The following UCKL1 variants were observed in gnomAD, a reference collection of about 807,000 sequenced individuals.
UCKL1 encodes uridine-cytidine kinase 1 like 1.
In UCKL1, 65 loss-of-function variants were observed where a neutral mutation model predicts 59.2. The ratio of observed to expected loss-of-function variants is 1.10; its 90% CI spans 0.90 to 1.35. The LOEUF (loss-of-function observed/expected upper bound fraction) is 1.35, where lower values mean the gene tolerates loss of function less well. Among genes scored for constraint, UCKL1 ranks in the 40% most tolerant of loss-of-function variants. The pLI is 0.00. For synonymous variants in UCKL1, 410 were observed against 323.1 expected (o/e 1.27, Z -2.88); for missense variants, 703 against 784.3 (o/e 0.90, Z 1.24).
chr20:63,941,277 C>T lies in UCKL1; in HGVS notation c.924-69G>A, dbSNP rs1403275538. The T allele has an allele frequency of 2.0e-5, 29 of 1,452,132 alleles. No homozygotes were observed. In the Admixed American group the frequency reaches 6.7e-4, roughly 34 times the overall value. 90.0% of individuals were successfully genotyped at this position (1,452,132 alleles called of 1,614,324 possible). A position where few individuals can be genotyped will look rare whatever the true frequency, so the allele number is the denominator to read the frequency against. On this transcript the variant is annotated intron_variant, in intron 8 of 14. Transcript: ENST00000354216. ...CCCAGAGCCCTCCCTCCCCACAGGA[C>T]GGCTGTGCGTCACTGTGAGGGGAAC...
chr20:63,939,868 A>G lies in UCKL1; in HGVS notation c.*108T>C, dbSNP rs2146328304. The G allele has an allele frequency of 2.1e-6, 2 of 956,284 alleles. No individual in the cohort carries two copies. Among genetic ancestry groups the G allele is most frequent in the South Asian group, 1.6e-5 (1 of 62,096 alleles). The allele number at this position is 956,284 out of a possible 1,614,324, so 59.2% of individuals were successfully genotyped here. On this transcript the variant is annotated 3_prime_UTR_variant, in exon 15 of 15. Coordinates refer to ENST00000354216, the MANE Select transcript of UCKL1 (RefSeq NM_017859.4). ...GCTTTATTTATTTTATAAAATGCAT[A>G]GAATAAATTATACTAGTAACATTTT...
rs745558896 is a variant in UCKL1 at position 63,956,379 on chromosome 20, C to T, written c.-7G>A. 2.0e-6 allele frequency: 3 copies of T among 1,485,070 alleles called. No individual in the cohort carries two copies. The highest frequency in any genetic ancestry group is 1.5e-5 in the African/African-American group (1 of 68,794). The allele number at this position is 1,485,070 out of a possible 1,614,324, so 92.0% of individuals were successfully genotyped here. On this transcript the variant is annotated 5_prime_UTR_variant, in exon 1 of 15. Coordinates refer to ENST00000354216, the MANE Select transcript of UCKL1 (RefSeq NM_017859.4). The stretch of plus-strand genomic sequence containing the variant: ...GGGCCGGGGGCGCAGCCATGGCGCT[C>T]GGAGGCCTCTTTGCGGGCCTGGCCG...
intron 1 of UCKL1, among the ~76,000 whole-genome samples, chr20:63,948,678 T>TGTGTGAGAGGGAGGGGC (rs2057045167): frequency 1.3e-3 from 3 of 2,342 alleles, no homozygotes; most frequent in African/African-American, 2.3e-3. Flanking sequence ...AGGGAGGGGG[T>TGTGTGAGAGGGAGGGGC]GTGTGTGAGA....
rs1569026355 is a variant in UCKL1 at position 63,941,110 on chromosome 20, C to G, written c.1022G>C (p.Arg341Thr). 8 of 1,599,336 alleles carry G rather than the reference C, an allele frequency of 5.0e-6. No individual in the cohort carries two copies. The highest frequency in any genetic ancestry group is 1.3e-5 in the African/African-American group (1 of 74,834). The change falls in exon 9 of 15, where the codon AGG becomes ACG. Residue 341 changes from arginine (R) to threonine (T), a missense_variant and splice_region_variant. Arg to Thr is a moderately conservative substitution (Grantham distance 71). Coordinates refer to ENST00000354216, the MANE Select transcript of UCKL1 (RefSeq NM_017859.4). ...GCCCCGTCCCCAGGTGGGCCCTCACCTGATGATGGTGTGCATGCCCCGTAC... is the reference window on the plus strand; with the variant it reads ...GCCCCGTCCCCAGGTGGGCCCTCACGTGATGATGGTGTGCATGCCCCGTAC... ...PQVRGMHTII[R>T]DKETSRDEFI...
chr20:63,941,358 G>T, intron 8 of UCKL1, 150 bp from the exon 9 acceptor site: 1 of 1,219,196 alleles, frequency 8.2e-7, no homozygotes, highest in Non-Finnish European at 1.1e-6. Context: ...GCCTGGGGCT[G>T]AGCTGGGGGG....
At position 63,940,447 on chromosome 20, in the gene UCKL1, G is replaced by A; in HGVS notation, c.1341C>T (p.Asp447=). ...CGGTGCAGTCCATGAGGATCACGTG[G>A]TCATCGCTGATGTCCTTGGGCAGCC... is the stretch of plus-strand genomic sequence containing the variant. ...YLRLPKDISD[D]HVILMDCTVS... Residue 447 remains aspartate, a synonymous_variant, in exon 13 of 15, where the codon GAC becomes GAT. Transcript: ENST00000354216. The A allele has an allele frequency of 6.2e-7, 1 of 1,612,320 alleles. No homozygotes were observed. The highest frequency in any genetic ancestry group is 8.5e-7 in the Non-Finnish European group (1 of 1,179,806).
chr20:63,941,522 C>T (rs2054408149), intron 8 of UCKL1: 1 of 393,450 alleles, frequency 2.5e-6, no homozygotes, highest in Middle Eastern at 3.4e-4. Flanking sequence ...AGAAGTGGGC[C>T]GGGCACAGGG....
intron 1 of UCKL1, among the ~76,000 whole-genome samples, chr20:63,950,396 G>A (rs1242357241): frequency 2.6e-5 from 4 of 152,172 alleles, no homozygotes; most frequent in Non-Finnish European, 5.9e-5. Flanking sequence ...GCAACATGGT[G>A]AGACGGTCTC....
At chr20:63,948,851 G>A (rs1191970957) in intron 1 of UCKL1, among the ~76,000 whole-genome samples, 3 of 152,042 alleles carry the variant, frequency 2.0e-5, no homozygotes, top group Admixed American at 1.3e-4. Context: ...AAACCAAACC[G>A]TAGTCTGTCT....
At chr20:63,950,878 G>A in intron 1 of UCKL1, 1 of 1,447,836 alleles carries the variant, frequency 6.9e-7, no homozygotes, top group South Asian at 1.4e-5. Context: ...CCCAGGGGTG[G>A]ATGCGTGGGG....
chr20:63,950,876 T>C (rs991531446), intron 1 of UCKL1: 8 of 1,450,424 alleles, frequency 5.5e-6, no homozygotes, highest in Non-Finnish European at 7.3e-6. Flanking sequence ...GCCCCAGGGG[T>C]GGATGCGTGG....
rs777302660 is a variant in UCKL1, at chr20:63,940,831, C to A, written c.1142G>T (p.Gly381Val). 6.4e-7 allele frequency: 1 copy of A among 1,563,666 alleles called. No homozygotes were observed. The highest frequency in any genetic ancestry group is 8.7e-7 in the Non-Finnish European group (1 of 1,155,362). The change falls in exon 11 of 15, where the codon GGG (glycine) becomes GTG (valine). Residue 381 changes from glycine (G) to valine (V), a missense_variant. Coordinates refer to ENST00000354216, the MANE Select transcript of UCKL1 (RefSeq NM_017859.4). ...FQDCVVQTPQ[G>V]QDYAGKCYAG... is the part of the protein sequence containing the mutation. The stretch of plus-strand genomic sequence containing the variant: ...ATAGCACTTGCCCGCATAGTCCTGC[C>A]CCTGCGGGGTCTGTACGACGCAGTC...
At chr20:63,943,809 T>A in intron 7 of UCKL1, 140 bp from the exon 8 acceptor site, 1 of 1,224,098 alleles carries the variant, frequency 8.2e-7, no homozygotes, top group Middle Eastern at 2.4e-4. Context: ...GGCAAGCTTC[T>A]AATGCCTGTA....
rs756159286 is a variant in UCKL1, at chr20:63,956,401, G to C, written c.-29C>G. The C allele has an allele frequency of 7.2e-7, 1 of 1,379,768 alleles. No homozygotes were observed. The highest frequency in any genetic ancestry group is 1.5e-5 in the African/African-American group (1 of 66,480). The allele number at this position is 1,379,768 out of a possible 1,614,324, so 85.5% of individuals were successfully genotyped here. ...GCTCGGAGGCCTCTTTGCGGGCCTGGCCGGGCGGCGCGCATGGGCCGCCGG... is the reference window on the plus strand; with the variant it reads ...GCTCGGAGGCCTCTTTGCGGGCCTGCCCGGGCGGCGCGCATGGGCCGCCGG... On this transcript the variant is annotated 5_prime_UTR_variant, in exon 1 of 15. Coordinates refer to ENST00000354216, the MANE Select transcript of UCKL1 (RefSeq NM_017859.4).
At chr20:63,956,160 G>T in intron 1 of UCKL1, 100 bp downstream of exon 1, 1 of 1,145,032 alleles carries the variant, frequency 8.7e-7, no homozygotes. Flanking sequence ...CGGGAGTGGG[G>T]GACTTGGGCT....
chr20:63,941,139 C>G lies in UCKL1; in HGVS notation c.993G>C (p.Pro331=). 1 of 1,594,528 alleles carries G rather than the reference C, an allele frequency of 6.3e-7. No homozygotes were observed. Among genetic ancestry groups the G allele is most frequent in the African/African-American group, 1.3e-5 (1 of 74,820 alleles). The change falls in exon 9 of 15, where the codon CCG becomes CCC. Residue 331 remains proline (P), a synonymous_variant. Coordinates refer to ENST00000354216, the MANE Select transcript of UCKL1 (RefSeq NM_017859.4). The part of the protein sequence containing the change: ...PRTLSVLKST[P]QVRGMHTIIR... The stretch of plus-strand genomic sequence containing the variant: ...TGATGGTGTGCATGCCCCGTACCTG[C>G]GGCGTGCTCTTCAGGACGCTCAGCG...
At chr20:63,942,770 GT>G in intron 8 of UCKL1, 1 of 459,792 alleles carries the variant, frequency 2.2e-6, no homozygotes, top group Non-Finnish European at 4.6e-6. Flanking sequence ...GCGTTCAGGT[GT>G]TTTTCCAAGT....
Position 63,956,363 on chromosome 20 carries a change from G to A in UCKL1, c.10C>T (p.Pro4Ser), listed in dbSNP as rs781464720. 43 of 1,525,672 alleles carry A rather than the reference G, an allele frequency of 2.8e-5. No homozygotes were observed. In the South Asian group the frequency reaches 3.5e-4, roughly 13 times the overall value. The allele number at this position is 1,525,672 out of a possible 1,614,324, so 94.5% of individuals were successfully genotyped here. The change falls in exon 1 of 15, where the codon CCC becomes TCC. Residue 4 changes from proline to serine, a missense_variant. Transcript: ENST00000354216. ...GGATCAGCGTCCGCGCGGGCCGGGG[G>A]CGCAGCCATGGCGCTCGGAGGCCTC... MAAPPARADADPSP... is the reference protein window; with the variant it reads MAASPARADADPSP...
chr20:63,949,775 C>G (rs1197885634), intron 1 of UCKL1, among the ~76,000 whole-genome samples: 2 of 152,252 alleles, frequency 1.3e-5, no homozygotes, highest in African/African-American at 4.8e-5. Context: ...ATCTGACTTG[C>G]AAAGAGGCTC....
Sources: allele counts gnomAD v4.1 joint callset (sites outside exome capture counted in the v4.1 genomes callset), GRCh38; gene constraint gnomAD v4.1.1; transcripts MANE v1.5; gene names NCBI Gene and HGNC (gene_info 2026-07-23, HGNC 2026-07-21).